The following CELF2 variants were observed in gnomAD, a reference collection of about 807,000 sequenced individuals.
The protein encoded by CELF2 is CUGBP Elav-like family member 2.
CELF2 carries 8 observed loss-of-function variants against 62.6 expected under a neutral mutation model. The ratio of observed to expected loss-of-function variants is 0.13; its 90% confidence interval spans 0.07 to 0.23. The LOEUF (loss-of-function observed/expected upper bound fraction) is 0.23. CELF2 is among the 10% of genes least tolerant of loss of function. The pLI is 1.00. For missense variants in CELF2, 333 were observed against 671.0 expected (o/e 0.50, Z 5.56); for synonymous variants, 258 against 250.0 (o/e 1.03, Z -0.30).
the CELF2 span, among the ~76,000 whole-genome samples, chr10:10,466,611 A>G: frequency 3.4e-3 from 525 of 152,246 alleles, 4 homozygotes; most frequent in African/African-American, 0.012. Flanking sequence ...GTTGAAATGT[A>G]TAAGAAAAAA....
At chr10:10,690,732 T>C in the CELF2 span, among the ~76,000 whole-genome samples, 1 of 152,028 alleles carries the variant, frequency 6.6e-6, no homozygotes, top group Non-Finnish European at 1.5e-5. Context: ...ATACAAAAAT[T>C]AGCCTGGCAT....
At chr10:10,902,604 T>A (rs1313265560) in intron 1 of CELF2, among the ~76,000 whole-genome samples, 1 of 152,058 alleles carries the variant, frequency 6.6e-6, no homozygotes, top group Non-Finnish European at 1.5e-5. Context: ...AGGGAAGGGA[T>A]AGGAGAAAAG....
the CELF2 span, among the ~76,000 whole-genome samples, chr10:10,523,786 G>T: frequency 3.3e-5 from 5 of 152,180 alleles, no homozygotes; most frequent in Non-Finnish European, 7.3e-5. Flanking sequence ...TCAGTGGTTG[G>T]GTTGTGCAGG....
rs1021294566 is a variant in CELF2 at position 11,220,205 on chromosome 10, C to T, written c.354+2698C>T. ...TTTTTTCTAAAGTGTCCAAAACTTT[C>T]GATTTAAAACAAGATCAAATAATGC... On this transcript the variant is annotated intron_variant, in intron 3 of 12. Transcript: ENST00000633077. The surrounding 1 kb of genome is among the most constrained non-coding windows in gnomAD (Gnocchi z 4.4). Among the ~76,000 whole-genome samples the T allele has an allele frequency of 6.6e-6, 1 of 152,142 alleles. No individual in the cohort carries two copies. Among genetic ancestry groups the T allele is most frequent in the Middle Eastern group, 3.2e-3 (1 of 316 alleles).
In CELF2 at chr10:11,244,952, G is replaced by A. The variant is rs780783316; in HGVS notation, c.355-4201G>A. Among the ~76,000 whole-genome samples the A allele has an allele frequency of 6.6e-6, 1 of 152,040 alleles. No homozygotes were observed. Among genetic ancestry groups the A allele is most frequent in the Non-Finnish European group, 1.5e-5 (1 of 68,010 alleles). Reference sequence around the variant, plus strand: ...GTTCGCACCGTACAGCTCTTACCACGTCTCTTATCACGCTGTGGGAAATGC... The same window carrying A: ...GTTCGCACCGTACAGCTCTTACCACATCTCTTATCACGCTGTGGGAAATGC... On this transcript the variant is annotated intron_variant, in intron 3 of 12. Coordinates refer to ENST00000633077, the MANE Select transcript of CELF2 (RefSeq NM_001326342.2). This position sits in a 1 kb window ranked among gnomAD's most constrained non-coding sequence, Gnocchi z 4.2.
At chr10:10,845,320 G>C (rs1408639802) in intron 1 of CELF2, among the ~76,000 whole-genome samples, 1 of 141,124 alleles carries the variant, frequency 7.1e-6, no homozygotes, top group East Asian at 2.1e-4. Flanking sequence ...TTAGCCTTCA[G>C]TTCATTGCTC....
intron 1 of CELF2, among the ~76,000 whole-genome samples, chr10:10,919,273 A>C (rs2064649923): frequency 6.6e-6 from 1 of 152,164 alleles, no homozygotes; most frequent in Admixed American, 6.5e-5. Context: ...CTGTCTGAAA[A>C]AAAAAAAGAA....
chr10:10,832,378 C>T (rs189015357), intron 1 of CELF2, among the ~76,000 whole-genome samples: 55 of 152,314 alleles, frequency 3.6e-4, no homozygotes, highest in African/African-American at 1.2e-3. Flanking sequence ...GAGCTACTCA[C>T]GGGTAGATTT....
the CELF2 span, among the ~76,000 whole-genome samples, chr10:10,564,682 GCACACACACACA>G: frequency 6.1e-5 from 8 of 130,782 alleles, no homozygotes; most frequent in Non-Finnish European, 8.6e-5. Flanking sequence ...ACGCACACAC[GCACACACACACA>G]CACACACACA....
rs368619231 is a variant in CELF2, at chr10:11,319,673, C to G, written c.1097-1516C>G. On this transcript the variant is annotated intron_variant, in intron 10 of 12. Transcript: ENST00000633077. This position sits in a 1 kb window ranked among gnomAD's most constrained non-coding sequence, Gnocchi z 4.4. ...TCAGGAGGCTGCCACTCCATTCTCA[C>G]GCCATTCACACTCGTCTCGCCACCC... 2.6e-5 allele frequency: 11 copies of G among 423,936 alleles called. No homozygotes were observed. Among genetic ancestry groups the G allele is most frequent in the Middle Eastern group, 3.5e-4 (1 of 2,836 alleles). The allele number at this position is 423,936 out of a possible 1,614,324, so 26.3% of individuals were successfully genotyped here. A position where few individuals can be genotyped will look rare whatever the true frequency, so the allele number is the denominator to read the frequency against.
chr10:11,188,476 C>T (rs1043064948), intron 2 of CELF2, among the ~76,000 whole-genome samples: 4 of 152,178 alleles, frequency 2.6e-5, no homozygotes, highest in African/African-American at 9.6e-5. Context: ...ATGTTAAAGA[C>T]ATTGCTTCAC....
intron 3 of CELF2, among the ~76,000 whole-genome samples, chr10:11,245,089 G>A (rs1397493890): frequency 2.0e-5 from 3 of 152,148 alleles, no homozygotes; most frequent in South Asian, 4.1e-4. Flanking sequence ...ACAGAAACAC[G>A]TGAATAAACG....
Position 11,313,265 on chromosome 10 carries a change from C to T in CELF2, c.977-874C>T, listed in dbSNP as rs928986407. Among the ~76,000 whole-genome samples the T allele has an allele frequency of 3.9e-5, 6 of 152,294 alleles. No homozygotes were observed. In the South Asian group the frequency reaches 6.2e-4, roughly 16 times the overall value. On this transcript the variant is annotated intron_variant, in intron 9 of 12. Transcript: ENST00000633077. ...AATCTATGCAAGTAGTAACCTCTTGCATAGAAATATACCTTCAAGATACAT... is the reference window on the plus strand; with the variant it reads ...AATCTATGCAAGTAGTAACCTCTTGTATAGAAATATACCTTCAAGATACAT...
intron 2 of CELF2, among the ~76,000 whole-genome samples, chr10:10,968,353 A>T (rs372881098): frequency 6.6e-6 from 1 of 152,166 alleles, no homozygotes; most frequent in African/African-American, 2.4e-5. Context: ...GGAATGCGTG[A>T]TGATGTTTAG....
intron 12 of CELF2, among the ~76,000 whole-genome samples, chr10:11,327,109 C>T (rs1284271740): frequency 6.8e-6 from 1 of 147,844 alleles, no homozygotes; most frequent in Non-Finnish European, 1.5e-5. Flanking sequence ...GGCTGTCAGT[C>T]GGGACCCATT....
At chr10:10,747,708 A>C in the CELF2 span, among the ~76,000 whole-genome samples, 1 of 151,308 alleles carries the variant, frequency 6.6e-6, no homozygotes. Flanking sequence ...GGGTATATAG[A>C]TATATATATA....
chr10:10,526,272 T>C, the CELF2 span, among the ~76,000 whole-genome samples: 1 of 152,208 alleles, frequency 6.6e-6, no homozygotes, highest in Admixed American at 6.5e-5. Flanking sequence ...TGAAAAACAA[T>C]GTTCTAATAA....
chr10:10,862,504 T>G (rs1396549451), intron 1 of CELF2, among the ~76,000 whole-genome samples: 1 of 152,208 alleles, frequency 6.6e-6, no homozygotes, highest in Non-Finnish European at 1.5e-5. Flanking sequence ...CCTGATTGGT[T>G]CACCCCAGAA....
rs986008675 is a variant in CELF2 at position 11,284,714 on chromosome 10, G to A, written c.842-3704G>A. The stretch of plus-strand genomic sequence containing the variant: ...GGATGAGTGGATGATGGATGGATGG[G>A]TGAGAGGATAATGGATGGATGGGTG... On this transcript the variant is annotated intron_variant, in intron 8 of 12. Coordinates refer to ENST00000633077, the MANE Select transcript of CELF2 (RefSeq NM_001326342.2). 4.0e-5 allele frequency among the ~76,000 whole-genome samples: 6 copies of A among 150,576 alleles called. No individual in the cohort carries two copies. The South Asian group carries it at 6.3e-4, about 16-fold the overall frequency.
Sources: allele counts gnomAD v4.1 joint callset (sites outside exome capture counted in the v4.1 genomes callset), GRCh38; gene constraint gnomAD v4.1.1; non-coding constraint Gnocchi (gnomAD v3.1); transcripts MANE v1.5; gene names NCBI Gene and HGNC (gene_info 2026-07-23, HGNC 2026-07-21).